The following SYT7 variants were observed in gnomAD, a reference collection of about 807,000 sequenced individuals.
SYT7 encodes synaptotagmin-7.
A neutral mutation model predicts 75.1 loss-of-function variants in SYT7; 29 were observed. The observed-to-expected ratio is 0.39, with a 90% CI of 0.29 to 0.53. The LOEUF (loss-of-function observed/expected upper bound fraction) is 0.53. Among genes scored for constraint, SYT7 ranks in the 20% least tolerant of loss-of-function variants. SYT7 has a pLI of 0.77. For synonymous variants in SYT7, 376 were observed against 401.7 expected (o/e 0.94, Z 0.76); for missense variants, 693 against 953.2 (o/e 0.73, Z 3.59).
At chr11:61,568,050 C>A (rs962497333) in intron 1 of SYT7, among the ~76,000 whole-genome samples, 2 of 152,196 alleles carry the variant, frequency 1.3e-5, no homozygotes, top group Non-Finnish European at 2.9e-5. Flanking sequence ...CCAGTCCCGC[C>A]AAGATGAACA....
chr11:61,546,241 G>T lies in SYT7; in HGVS notation c.362C>A (p.Ser121Ter). The T allele has an allele frequency of 6.9e-7, 1 of 1,446,170 alleles. No homozygotes were observed. The highest frequency in any genetic ancestry group is 9.0e-7 in the Non-Finnish European group (1 of 1,109,954). The allele number at this position is 1,446,170 out of a possible 1,614,324, so 89.6% of individuals were successfully genotyped here. The change falls in exon 5 of 13, where the codon TCG becomes TAG. Residue 121 changes from serine to a stop codon, truncating the protein, a stop_gained. Coordinates refer to ENST00000539008, the MANE Select transcript of SYT7 (RefSeq NM_001365809.2). LOFTEE classifies it high-confidence loss of function. The surrounding 1 kb of genome is among the most constrained non-coding windows in gnomAD (Gnocchi z 7.6). ...PRLSLNGTLL[S>*]GAKVAAAAGL... ...CGCCGCGGCGGCCACTTTGGCGCCC[G>T]ACAGGAGGGTGCCACTGGAGGCATG...
chr11:61,572,127 C>G (rs924927214), intron 1 of SYT7, among the ~76,000 whole-genome samples: 3 of 151,478 alleles, frequency 2.0e-5, no homozygotes, highest in African/African-American at 7.3e-5. Flanking sequence ...GGGGGGGGGG[C>G]ACACAGACAA....
rs116193369 is a variant in SYT7 at position 61,533,325 on chromosome 11, C to G, written c.1065-201G>C. On this transcript the variant is annotated intron_variant, in intron 7 of 12. Transcript: ENST00000539008. ...CCGGGGCCCATTCTCCTTGCAGCCTCTACCCCAGGCGACTGTGGCTTAACT... is the reference window on the plus strand; with the variant it reads ...CCGGGGCCCATTCTCCTTGCAGCCTGTACCCCAGGCGACTGTGGCTTAACT... 2,538 of 985,444 alleles carry G rather than the reference C, an allele frequency of 2.6e-3. 51 individuals carry two copies. In the African/African-American group the frequency reaches 0.041, roughly 16 times the overall value. 61.0% of individuals were successfully genotyped at this position (985,444 alleles called of 1,614,324 possible).
rs1454792583 is a variant in SYT7 at position 61,516,330 on chromosome 11, G to A, written c.*2297C>T. The A allele has an allele frequency of 1.3e-5, 2 of 152,232 alleles. No homozygotes were observed. The highest frequency in any genetic ancestry group is 4.8e-5 in the African/African-American group (2 of 41,454). The allele number at this position is 152,232 out of a possible 1,614,324, so 9.4% of individuals were successfully genotyped here. A position where few individuals can be genotyped will look rare whatever the true frequency, so the allele number is the denominator to read the frequency against. On this transcript the variant is annotated 3_prime_UTR_variant, in exon 13 of 13. Transcript: ENST00000539008. The surrounding 1 kb of genome is among the most constrained non-coding windows in gnomAD (Gnocchi z 4.6). ...TCGCTAATGTGCCTGGGTGGGGTCT[G>A]GTTGGGAAGAGACCCCTGCCAGGAG...
intron 8 of SYT7, among the ~76,000 whole-genome samples, chr11:61,532,601 T>A (rs1033023178): frequency 3.3e-5 from 5 of 152,148 alleles, no homozygotes; most frequent in African/African-American, 4.8e-5. Context: ...GGAGGGGACA[T>A]CTTCTGCCCT....
intron 1 of SYT7, among the ~76,000 whole-genome samples, chr11:61,573,162 T>TG (rs1433100629): frequency 6.6e-6 from 1 of 152,188 alleles, no homozygotes; most frequent in Non-Finnish European, 1.5e-5. Flanking sequence ...AGGAGCTGTG[T>TG]GGCCCCTCCT....
At chr11:61,547,361 G>C in intron 3 of SYT7, 53 bp from the exon 4 acceptor site, 3 of 1,530,350 alleles carry the variant, frequency 2.0e-6, no homozygotes, top group Non-Finnish European at 2.6e-6. Flanking sequence ...GAAGAAACAA[G>C]AACTGCAAGT....
intron 1 of SYT7, among the ~76,000 whole-genome samples, chr11:61,569,773 A>G (rs907138863): frequency 2.6e-5 from 4 of 152,024 alleles, no homozygotes; most frequent in Non-Finnish European, 5.9e-5. Context: ...GAGAAGGGGG[A>G]GGAGAGCGGG....
At chr11:61,549,100 T>C (rs2063274432) in intron 3 of SYT7, among the ~76,000 whole-genome samples, 2 of 152,046 alleles carry the variant, frequency 1.3e-5, no homozygotes. Flanking sequence ...ATAACAAAGA[T>C]GGAGCAGGTA....
Position 61,551,426 on chromosome 11 carries a change from G to T in SYT7, c.173C>A (p.Thr58Lys), listed in dbSNP as rs766869187. 6.2e-7 allele frequency: 1 copy of T among 1,613,918 alleles called. No individual in the cohort carries two copies. Among genetic ancestry groups the T allele is most frequent in the Admixed American group, 1.7e-5 (1 of 60,004 alleles). Reference sequence around the variant, plus strand: ...ACTGCGCCCACGCCCTGAGTCTGGCGTGCCCACCGTCTCCAAGGAATTCTT... The same window carrying T: ...ACTGCGCCCACGCCCTGAGTCTGGCTTGCCCACCGTCTCCAAGGAATTCTT... ...RYKNSLETVG[T>K]PDSGRGRSEK... The change falls in exon 3 of 13, where the codon ACG becomes AAG. Residue 58 changes from threonine (T) to lysine (K), a missense_variant. Thr to Lys is a moderately conservative substitution (Grantham distance 78). Around this residue, in one of 2 missense-constraint regions of SYT7, gnomAD observed 487 missense variants for 593.2 expected, o/e 0.82. Transcript: ENST00000539008. This position sits in a 1 kb window ranked among gnomAD's most constrained non-coding sequence, Gnocchi z 5.3.
Position 61,542,142 on chromosome 11 carries a change from AAGG to A in SYT7, c.941+66_941+68del. The A allele has an allele frequency of 6.7e-7, 1 of 1,486,572 alleles. No homozygotes were observed. Among genetic ancestry groups the A allele is most frequent in the Non-Finnish European group, 8.9e-7 (1 of 1,123,098 alleles). 92.1% of individuals were successfully genotyped at this position (1,486,572 alleles called of 1,614,324 possible). ...GAGGTACACACAACCAGCTGCTCCCAAGGAGATCTGGGGGGCAGGAGGCTGGGT... is the reference window on the plus strand; with the variant it reads ...GAGGTACACACAACCAGCTGCTCCCAAGATCTGGGGGGCAGGAGGCTGGGT... On this transcript the variant is annotated intron_variant, in intron 6 of 12. Coordinates refer to ENST00000539008, the MANE Select transcript of SYT7 (RefSeq NM_001365809.2). This position sits in a 1 kb window ranked among gnomAD's most constrained non-coding sequence, Gnocchi z 7.8.
chr11:61,557,685 T>C (rs561243174), intron 1 of SYT7, among the ~76,000 whole-genome samples: 43 of 152,328 alleles, frequency 2.8e-4, no homozygotes, highest in African/African-American at 9.4e-4. Flanking sequence ...GTACCAAGTC[T>C]GCAGCCTCAA....
chr11:61,551,308 G>C lies in SYT7; in HGVS notation c.215+76C>G. 1 of 1,371,198 alleles carries C rather than the reference G, an allele frequency of 7.3e-7. No individual in the cohort carries two copies. Among genetic ancestry groups the C allele is most frequent in the Non-Finnish European group, 1.0e-6 (1 of 966,998 alleles). The allele number at this position is 1,371,198 out of a possible 1,614,324, so 84.9% of individuals were successfully genotyped here. A position where few individuals can be genotyped will look rare whatever the true frequency, so the allele number is the denominator to read the frequency against. On this transcript the variant is annotated intron_variant, in intron 3 of 12. Coordinates refer to ENST00000539008, the MANE Select transcript of SYT7 (RefSeq NM_001365809.2). This position sits in a 1 kb window ranked among gnomAD's most constrained non-coding sequence, Gnocchi z 5.3. Reference sequence around the variant, plus strand: ...GAAAGTGTGTGGTCAGGTCTGTGGGGCTGGGGGAGAGAAGGGGCTCCTCCC... The same window carrying C: ...GAAAGTGTGTGGTCAGGTCTGTGGGCCTGGGGGAGAGAAGGGGCTCCTCCC...
the SYT7 span, among the ~76,000 whole-genome samples, chr11:61,587,961 A>G: frequency 6.6e-6 from 1 of 152,186 alleles, no homozygotes; most frequent in Non-Finnish European, 1.5e-5. Flanking sequence ...GGGATCCCCA[A>G]CCCCAGGATT....
intron 1 of SYT7, among the ~76,000 whole-genome samples, chr11:61,561,261 A>G (rs1212107277): frequency 6.6e-6 from 1 of 152,204 alleles, no homozygotes; most frequent in Non-Finnish European, 1.5e-5. Flanking sequence ...AAGGGCAGAC[A>G]GGCAACATCA....
intron 1 of SYT7, among the ~76,000 whole-genome samples, chr11:61,578,917 A>AG (rs1478786042): frequency 6.6e-6 from 1 of 152,112 alleles, no homozygotes; most frequent in African/African-American, 2.4e-5. Context: ...CCATTCAAGG[A>AG]GGGGGTGAGG....
At chr11:61,560,553 C>A (rs1230661996) in intron 1 of SYT7, among the ~76,000 whole-genome samples, 1 of 152,156 alleles carries the variant, frequency 6.6e-6, no homozygotes, top group Non-Finnish European at 1.5e-5. Context: ...TCGGACAGCC[C>A]TCAAAGGCAG....
intron 1 of SYT7, among the ~76,000 whole-genome samples, chr11:61,571,675 G>C (rs2063924479): frequency 6.6e-6 from 1 of 152,256 alleles, no homozygotes; most frequent in Admixed American, 6.5e-5. Flanking sequence ...GGCACAGCCT[G>C]GCTCCCACGG....
At position 61,542,359 on chromosome 11, in the gene SYT7, G is replaced by A. The variant is rs1048432155; in HGVS notation, c.793C>T (p.Arg265Trp). The change falls in exon 6 of 13, where the codon CGG (arginine) becomes TGG (tryptophan). Residue 265 changes from arginine to tryptophan, a missense_variant. Transcript: ENST00000539008. This position sits in a 1 kb window ranked among gnomAD's most constrained non-coding sequence, Gnocchi z 7.8. The part of the protein sequence containing the change: ...HMASAPGPNP[R>W]AYGRGQARQG... ...CGAGCCTGGCCCCGGCCATAGGCCC[G>A]GGGGTTGGGGCCTGGTGCCGAGGCC... The A allele has an allele frequency of 2.7e-5, 42 of 1,530,304 alleles. No individual in the cohort carries two copies. Among genetic ancestry groups the A allele is most frequent in the Non-Finnish European group, 3.2e-5 (37 of 1,144,320 alleles). The allele number at this position is 1,530,304 out of a possible 1,614,324, so 94.8% of individuals were successfully genotyped here.
Sources: allele counts gnomAD v4.1 joint callset (sites outside exome capture counted in the v4.1 genomes callset), GRCh38; gene constraint gnomAD v4.1.1; regional missense constraint gnomAD v4.1.1; non-coding constraint Gnocchi (gnomAD v3.1); transcripts MANE v1.5; gene names NCBI Gene and HGNC (gene_info 2026-07-23, HGNC 2026-07-21).